Variants in USP40 observed in about 807,000 individuals in gnomAD.
USP40 encodes ubiquitin specific peptidase 40, also known as ubiquitin carboxyl-terminal hydrolase 40.
In USP40, 143 loss-of-function variants were observed where a neutral mutation model predicts 166.2. The ratio of observed to expected loss-of-function variants is 0.86; its 90% confidence interval spans 0.75 to 0.99. The LOEUF is 0.99. Among genes scored for constraint, USP40 ranks in the 50% least tolerant of loss-of-function variants. The pLI, the probability that USP40 is intolerant of heterozygous loss-of-function variation, is 0.00. For missense variants in USP40, 1,444 were observed against 1,479.7 expected, an observed-to-expected ratio of 0.98 and a Z score of 0.40; for synonymous variants, 498 against 524.0, an observed-to-expected ratio of 0.95 and a Z score of 0.68.
intron 14 of USP40, 24 bp from the exon 15 acceptor site, chr2:233,524,586 C>A: frequency 6.5e-7 from 1 of 1,544,924 alleles, no homozygotes. Flanking sequence ...ACCAGTGAGA[C>A]CATTCATCAT....
intron 4 of USP40, among the ~76,000 whole-genome samples, chr2:233,559,600 G>T (rs1327447735): frequency 6.6e-6 from 1 of 152,082 alleles, no homozygotes; most frequent in Non-Finnish European, 1.5e-5. Context: ...CTTCTCCCCA[G>T]CCCCAAATCA....
chr2:233,555,019 A>C (rs964381407), intron 5 of USP40, among the ~76,000 whole-genome samples: 2 of 152,116 alleles, frequency 1.3e-5, no homozygotes, highest in Non-Finnish European at 1.5e-5. Context: ...GTGAAACCCT[A>C]TCTCTACTAA....
intron 11 of USP40, among the ~76,000 whole-genome samples, chr2:233,530,709 T>C (rs536794991): frequency 2.0e-4 from 30 of 152,342 alleles, no homozygotes; most frequent in African/African-American, 4.1e-4. Flanking sequence ...ACAGGTTAAA[T>C]TGAAAATTTT....
At chr2:233,534,241 A>G (rs1432284623) in intron 10 of USP40, among the ~76,000 whole-genome samples, 3 of 152,232 alleles carry the variant, frequency 2.0e-5, no homozygotes, top group East Asian at 1.9e-4. Flanking sequence ...AACCTGGACT[A>G]AAGTGAATGT....
intron 14 of USP40, among the ~76,000 whole-genome samples, chr2:233,524,861 C>T (rs181805247): frequency 1.3e-4 from 20 of 152,220 alleles, no homozygotes; most frequent in Admixed American, 7.8e-4. Context: ...CCAACTCCAC[C>T]GATATGTCCA....
chr2:233,549,896 A>C (rs1435300523), intron 7 of USP40, among the ~76,000 whole-genome samples: 1 of 152,148 alleles, frequency 6.6e-6, no homozygotes, highest in Non-Finnish European at 1.5e-5. Context: ...ATCATGAGTG[A>C]TCAAACAGAT....
chr2:233,510,635 T>A (rs2066758737), intron 20 of USP40, among the ~76,000 whole-genome samples: 1 of 151,834 alleles, frequency 6.6e-6, no homozygotes. Context: ...AACTCCTGAC[T>A]TCAGGTGATC....
At chr2:233,564,371 G>A (rs6726184) in intron 2 of USP40, among the ~76,000 whole-genome samples, 122,270 of 152,026 alleles carry the variant, frequency 0.8, 49,331 homozygotes, top group East Asian at 0.96. Context: ...GGGGACCCCA[G>A]TCAGGGCCAG....
chr2:233,491,396 G>A, intron 25 of USP40, 135 bp from the exon 26 acceptor site: 1 of 693,612 alleles, frequency 1.4e-6, no homozygotes, highest in Non-Finnish European at 2.5e-6. Flanking sequence ...CAAGTCTTAT[G>A]AGGAGGCCCT....
chr2:233,553,605 A>C (rs78766179), intron 6 of USP40, among the ~76,000 whole-genome samples: 3,498 of 152,316 alleles, frequency 0.023, 62 homozygotes, highest in Non-Finnish European at 0.039. Flanking sequence ...CATGAAAATA[A>C]CACCAGGGAG....
intron 7 of USP40, among the ~76,000 whole-genome samples, 156 bp downstream of exon 7, chr2:233,551,220 T>C (rs780673290): frequency 5.9e-5 from 9 of 152,204 alleles, no homozygotes; most frequent in Non-Finnish European, 1.2e-4. Context: ...CCCTAATGCA[T>C]GAGACAGTCT....
chr2:233,550,350 T>C (rs73996122), intron 7 of USP40, among the ~76,000 whole-genome samples: 2,003 of 152,268 alleles, frequency 0.013, 37 homozygotes, highest in African/African-American at 0.046. Context: ...TACATCAAAG[T>C]ATGTTAAAAA....
chr2:233,504,051 T>C (rs1222495238), intron 21 of USP40, among the ~76,000 whole-genome samples: 1 of 152,074 alleles, frequency 6.6e-6, no homozygotes, highest in East Asian at 1.9e-4. Flanking sequence ...TAGACTATTT[T>C]TATATGACCA....
chr2:233,561,072 T>C (rs201451781), intron 3 of USP40: 237 of 1,380,070 alleles, frequency 1.7e-4, no homozygotes, highest in Non-Finnish European at 2.3e-4. Context: ...AATAAAATTA[T>C]TGCTTTGTGA....
intron 29 of USP40, 27 bp from the exon 30 acceptor site, chr2:233,485,653 A>G: frequency 6.2e-7 from 1 of 1,608,590 alleles, no homozygotes. Flanking sequence ...CATCTTAAAT[A>G]AGCAAAACTC....
At chr2:233,517,386 GT>G (rs201945738) in intron 18 of USP40, among the ~76,000 whole-genome samples, 51 of 133,976 alleles carry the variant, frequency 3.8e-4, no homozygotes, top group Admixed American at 6.1e-4. Flanking sequence ...ATGGTTTTTT[GT>G]TTTTTTTTTT....
At chr2:233,495,903 TGAG>T (rs918742448) in intron 24 of USP40, among the ~76,000 whole-genome samples, 75 of 152,246 alleles carry the variant, frequency 4.9e-4, no homozygotes, top group Admixed American at 3.3e-4. Flanking sequence ...TGTGCTGATA[TGAG>T]GAGCTCCGCA....
At chr2:233,551,727 A>T (rs1261741576) in intron 6 of USP40, among the ~76,000 whole-genome samples, 1 of 152,186 alleles carries the variant, frequency 6.6e-6, no homozygotes, top group African/African-American at 2.4e-5. Context: ...GCTTACAATT[A>T]ATAATTTACA....
chr2:233,497,517 G>A lies in USP40; in HGVS notation c.2716-685C>T, dbSNP rs184575302. Among the ~76,000 whole-genome samples, 475 of 152,292 alleles carry A rather than the reference G, an allele frequency of 3.1e-3. 6 individuals are homozygous for A. The highest frequency in any genetic ancestry group is 0.019 in the Admixed American group (298 of 15,294). The stretch of plus-strand genomic sequence containing the variant: ...GAAAAGCTGACAGTTTGGAGGCTGA[G>A]AGGAAACATGAAGAATGAAAGATAA... On this transcript the variant is annotated intron_variant, in intron 23 of 31. Transcript: ENST00000678225.
Sources: allele counts gnomAD v4.1 joint callset (sites outside exome capture counted in the v4.1 genomes callset), GRCh38; gene constraint gnomAD v4.1.1; transcripts MANE v1.5; gene names NCBI Gene and HGNC (gene_info 2026-07-23, HGNC 2026-07-21).